TEX11: variants seen among roughly 807,000 people sequenced by gnomAD.
TEX11 encodes testis expressed 11, also known as testis-expressed protein 11.
TEX11 carries 7 observed loss-of-function variants against 84.4 expected under a neutral mutation model. The observed-to-expected ratio is 0.08, with a 90% confidence interval of 0.05 to 0.16. The LOEUF (loss-of-function observed/expected upper bound fraction) is 0.16, where lower values mean the gene tolerates loss of function less well. Ranked by LOEUF, TEX11 falls within the 10% of genes least tolerant of loss-of-function variation. The probability of loss-of-function intolerance (pLI) is 1.00; values close to 1 mark genes in which losing one functional copy is unlikely to be tolerated. For synonymous variants in TEX11, 264 were observed against 222.8 expected (o/e 1.18, Z -1.64); for missense variants, 551 against 660.5 (o/e 0.83, Z 1.82).
At chrX:70,570,136 G>T (rs1409691840) in intron 25 of TEX11, among the ~76,000 whole-genome samples, 1 of 111,800 alleles carries the variant, frequency 8.9e-6, no homozygotes, top group Non-Finnish European at 1.9e-5. Context: ...CGGCCTCGCT[G>T]CCGCCTTGCA....
chrX:70,839,832 C>T (rs747281518), intron 7 of TEX11, among the ~76,000 whole-genome samples: 2 of 111,647 alleles, frequency 1.8e-5, no homozygotes, highest in Admixed American at 9.6e-5. Flanking sequence ...ACGAGAGCTA[C>T]GTGATGAACG....
intron 2 of TEX11, chrX:70,897,677 G>GGAAA (rs2091778755): frequency 1.9e-5 from 1 of 51,760 alleles, no homozygotes; most frequent in African/African-American, 7.8e-5. Flanking sequence ...AACAAAGAAA[G>GGAAA]AAAAAGAAAG....
Position 70,817,010 on chromosome X carries a change from T to G in TEX11, c.607-10220A>C, listed in dbSNP as rs553822808. Among the ~76,000 whole-genome samples, 19 of 110,654 alleles carry G rather than the reference T, an allele frequency of 1.7e-4. No homozygotes were observed. The South Asian group carries it at 6.2e-3, about 36-fold the overall frequency. On this transcript the variant is annotated intron_variant, in intron 8 of 29. Coordinates refer to ENST00000374333, the MANE Select transcript of TEX11 (RefSeq NM_031276.3). ...TAAGGATAATTGAAGCCAAGTTTTT[T>G]GTTGTTGGAGAAGAGAATTAGAAAC...
chrX:70,558,226 A>G (rs1188872779), intron 25 of TEX11, among the ~76,000 whole-genome samples: 1 of 111,207 alleles, frequency 9.0e-6, no homozygotes, highest in Admixed American at 9.6e-5. Context: ...AAGGATATAT[A>G]TATATATATG....
chrX:70,647,529 T>C (rs1244094754), intron 17 of TEX11, among the ~76,000 whole-genome samples: 1 of 109,398 alleles, frequency 9.1e-6, no homozygotes, highest in Non-Finnish European at 1.9e-5. Context: ...CTGGGCAACA[T>C]AGTGAGACTC....
chrX:70,633,307 A>G, intron 17 of TEX11, among the ~76,000 whole-genome samples: 1 of 112,019 alleles, frequency 8.9e-6, no homozygotes, highest in Admixed American at 9.5e-5. Context: ...TTAAAAATTG[A>G]CCATTTCAAC....
At chrX:70,689,532 A>T (rs1196686320) in intron 13 of TEX11, among the ~76,000 whole-genome samples, 1 of 111,812 alleles carries the variant, frequency 8.9e-6, no homozygotes, top group East Asian at 2.8e-4. Flanking sequence ...AATTGCTTAT[A>T]AAAAACAAAA....
At chrX:70,680,847 G>C (rs1311362197) in intron 14 of TEX11, among the ~76,000 whole-genome samples, 1 of 111,665 alleles carries the variant, frequency 9.0e-6, no homozygotes, top group African/African-American at 3.3e-5. Flanking sequence ...TCATCATCTG[G>C]TGCCTTAATA....
chrX:70,875,257 G>A (rs2091649804), intron 3 of TEX11, among the ~76,000 whole-genome samples: 1 of 110,792 alleles, frequency 9.0e-6, no homozygotes, highest in Non-Finnish European at 1.9e-5. Context: ...GCACTTTTGA[G>A]ACTTTATCCT....
intron 7 of TEX11, among the ~76,000 whole-genome samples, chrX:70,841,498 T>C (rs965312289): frequency 9.0e-6 from 1 of 110,838 alleles, no homozygotes; most frequent in Admixed American, 9.6e-5. Context: ...GAGGGAAACT[T>C]ATAGCACTAA....
chrX:70,903,644 A>G (rs1255970602), intron 2 of TEX11, among the ~76,000 whole-genome samples: 1 of 110,635 alleles, frequency 9.0e-6, no homozygotes, highest in Non-Finnish European at 1.9e-5. Context: ...ACACAAAATG[A>G]TAAGGGGACT....
chrX:70,723,560 T>C (rs1171451874), intron 12 of TEX11, among the ~76,000 whole-genome samples: 1 of 111,711 alleles, frequency 9.0e-6, no homozygotes, highest in Non-Finnish European at 1.9e-5. Flanking sequence ...GTGTTTAGAT[T>C]CTATTTATTT....
chrX:70,905,769 C>G (rs1252613072), intron 2 of TEX11, among the ~76,000 whole-genome samples: 1 of 108,718 alleles, frequency 9.2e-6, no homozygotes, highest in Non-Finnish European at 1.9e-5. Flanking sequence ...ATTAAAAACA[C>G]AGCCTGGCAC....
chrX:70,740,664 T>A (rs772812365), intron 11 of TEX11, 37 bp downstream of exon 11: 42 of 988,698 alleles, frequency 4.2e-5, no homozygotes, highest in Non-Finnish European at 5.8e-5. Context: ...CTTCAAAAAA[T>A]ACATTAAGTT....
chrX:70,815,720 G>A (rs1378795378), intron 8 of TEX11, among the ~76,000 whole-genome samples: 2 of 110,985 alleles, frequency 1.8e-5, no homozygotes, highest in African/African-American at 6.5e-5. Flanking sequence ...GATAAGGGGG[G>A]ACTACTGCAT....
intron 20 of TEX11, among the ~76,000 whole-genome samples, chrX:70,618,936 C>A (rs1191786770): frequency 1.8e-5 from 2 of 110,979 alleles, no homozygotes; most frequent in Non-Finnish European, 3.8e-5. Context: ...GGCTTACATG[C>A]CTTCACAAGC....
intron 9 of TEX11, among the ~76,000 whole-genome samples, chrX:70,797,814 T>TA (rs768167107): frequency 3.0e-5 from 3 of 100,751 alleles, no homozygotes; most frequent in Non-Finnish European, 6.0e-5. Context: ...CTTTCAAGAT[T>TA]AAAAAAAAAT....
chrX:70,518,009 T>C, the TEX11 span, among the ~76,000 whole-genome samples: 1 of 111,031 alleles, frequency 9.0e-6, no homozygotes, highest in Non-Finnish European at 1.9e-5. Context: ...GATTCTTCTC[T>C]CTTTTCTTCT....
At chrX:70,820,890 C>T (rs1569449406) in intron 8 of TEX11, among the ~76,000 whole-genome samples, 1 of 111,644 alleles carries the variant, frequency 9.0e-6, no homozygotes, top group Admixed American at 9.6e-5. Flanking sequence ...ATACCTGAAA[C>T]CGTAAAACTT....
Sources: gnomAD v4.1 joint callset for allele counts (sites outside exome capture counted in the v4.1 genomes callset) on GRCh38, gnomAD v4.1.1 for gene constraint, MANE v1.5 for transcripts, NCBI Gene and HGNC (gene_info 2026-07-23, HGNC 2026-07-21) for gene names.